Variants in PHGDH observed in about 807,000 individuals in gnomAD.
PHGDH encodes phosphoglycerate dehydrogenase.
PHGDH carries 50 observed loss-of-function variants against 52.6 expected under a neutral mutation model. The observed-to-expected ratio is 0.95, with a 90% CI of 0.76 to 1.20. PHGDH has a LOEUF of 1.20. Among genes scored for constraint, PHGDH ranks in the 50% most tolerant of loss-of-function variants. The pLI, the probability that PHGDH is intolerant of heterozygous loss-of-function variation, is 0.00. For missense variants in PHGDH, 630 were observed against 684.6 expected, an observed-to-expected ratio of 0.92 and a Z score of 0.89; for synonymous variants, 271 against 280.5, an observed-to-expected ratio of 0.97 and a Z score of 0.34.
chr1:119,721,216 A>C lies in PHGDH; in HGVS notation c.185A>C (p.Asp62Ala). 1.2e-6 allele frequency: 2 copies of C among 1,614,178 alleles called. No individual in the cohort carries two copies. Among genetic ancestry groups the C allele is most frequent in the Non-Finnish European group, 1.7e-6 (2 of 1,180,016 alleles). ...CGCTCTGCCACCAAGGTGACCGCTG[A>C]TGTCATCAACGCAGCTGAGAAACTC... The part of the protein sequence containing the change: ...IVRSATKVTA[D>A]VINAAEKLQV... Residue 62 changes from aspartate to alanine, a missense_variant, in exon 2 of 12, where the codon GAT becomes GCT. By Grantham distance (126) the Asp-to-Ala change is moderately radical. Coordinates refer to ENST00000641023, the MANE Select transcript of PHGDH (RefSeq NM_006623.4).
At position 119,727,078 on chromosome 1, in the gene PHGDH, C is replaced by A. The variant is rs1054405028; in HGVS notation, c.486C>A (p.Thr162=). The part of the protein sequence containing the change: ...GLGRIGREVA[T]RMQSFGMKTI... ...GCAGGATTGGGAGAGAGGTAGCTAC[C>A]CGGATGCAGTCCTTTGGGATGAAGG... Residue 162 remains threonine (T), a synonymous_variant, in exon 5 of 12, where the codon ACC becomes ACA. Coordinates refer to ENST00000641023, the MANE Select transcript of PHGDH (RefSeq NM_006623.4). 6.5e-5 allele frequency: 104 copies of A among 1,605,518 alleles called. No homozygotes were observed. The highest frequency in any genetic ancestry group is 8.8e-5 in the Non-Finnish European group (103 of 1,172,220).
chr1:119,736,259 C>T lies in PHGDH; in HGVS notation c.792+816C>T, dbSNP rs587615514. Among the ~76,000 whole-genome samples, 14 of 152,294 alleles carry T rather than the reference C, an allele frequency of 9.2e-5. No individual in the cohort carries two copies. The South Asian group carries it at 2.3e-3, about 25-fold the overall frequency. On this transcript the variant is annotated intron_variant, in intron 7 of 11. Transcript: ENST00000641023. ...TTTCTCAGCTCTTAGATCATAAGCTCCCTGAAGGCAGGGCAAGCCTTGTCC... is the reference window on the plus strand; with the variant it reads ...TTTCTCAGCTCTTAGATCATAAGCTTCCTGAAGGCAGGGCAAGCCTTGTCC...
chr1:119,739,768 G>C (rs1652104901), intron 8 of PHGDH: 1 of 152,722 alleles, frequency 6.5e-6, no homozygotes, highest in Non-Finnish European at 1.5e-5. Context: ...CAGGCCCCTG[G>C]GTGGGGCAGG....
intron 1 of PHGDH, chr1:119,720,948 G>T (rs925350312): frequency 3.5e-6 from 2 of 572,808 alleles, no homozygotes; most frequent in Non-Finnish European, 6.4e-6. Flanking sequence ...CGGTTGGTGT[G>T]TTAGAGGCAC....
In PHGDH at chr1:119,726,908, G is replaced by A. The variant is rs1651449002; in HGVS notation, c.411+3G>A. ...ACGGCAAATGGGAGCGGAAGAAGGT[G>A]AGCAGCGGCCTTGACTCGCCCCACC... On this transcript the variant is annotated splice_donor_region_variant and intron_variant, in intron 4 of 11. Transcript: ENST00000641023. The A allele has an allele frequency of 2.5e-6, 4 of 1,614,078 alleles. No homozygotes were observed. The highest frequency in any genetic ancestry group is 3.4e-6 in the Non-Finnish European group (4 of 1,179,870).
At chr1:119,715,752 T>C (rs1380768281) in intron 1 of PHGDH, 1 of 152,162 alleles carries the variant, frequency 6.6e-6, no homozygotes, top group Admixed American at 6.6e-5. Flanking sequence ...GTGTGGGAAG[T>C]GCCTGTTCCC....
Position 119,740,383 on chromosome 1 carries a change from CAG to C in PHGDH, c.946-2_946-1del. On this transcript the variant is annotated splice_acceptor_variant, in intron 8 of 11. Transcript: ENST00000641023. LOFTEE classifies it high-confidence loss of function. The stretch of plus-strand genomic sequence containing the variant: ...CACAGCCCCGCTCCTCCATCCTCTG[CAG>C]GTGAATGCCCAGGCCCTTACCAGTG... The C allele has an allele frequency of 6.2e-7, 1 of 1,614,130 alleles. No homozygotes were observed. The highest frequency in any genetic ancestry group is 8.5e-7 in the Non-Finnish European group (1 of 1,179,978).
At chr1:119,736,306 C>G (rs1306988845) in intron 7 of PHGDH, among the ~76,000 whole-genome samples, 2 of 152,170 alleles carry the variant, frequency 1.3e-5, no homozygotes, top group East Asian at 3.8e-4. Context: ...ACCATCCTCC[C>G]TAACACAGCA....
chr1:119,737,135 T>G lies in PHGDH; in HGVS notation c.814T>G (p.Leu272Val), dbSNP rs1193131299. The G allele has an allele frequency of 1.2e-6, 2 of 1,614,178 alleles. No individual in the cohort carries two copies. Among genetic ancestry groups the G allele is most frequent in the Non-Finnish European group, 1.7e-6 (2 of 1,180,018 alleles). The change falls in exon 8 of 12, where the codon TTG becomes GTG. Residue 272 changes from leucine to valine, a missense_variant. By Grantham distance (32) the Leu-to-Val change is conservative. Coordinates refer to ENST00000641023, the MANE Select transcript of PHGDH (RefSeq NM_006623.4). ...FTEEPPRDRA[L>V]VDHENVISCP... ...GCAGGAGCCGCCACGGGACCGGGCC[T>G]TGGTGGACCATGAGAATGTCATCAG...
rs1276900631 is a variant in PHGDH, at chr1:119,727,580, A to G, written c.510+478A>G. 14 of 193,730 alleles carry G rather than the reference A, an allele frequency of 7.2e-5. 1 individual carries two copies. The highest frequency in any genetic ancestry group is 4.8e-4 in the Admixed American group (9 of 18,780). 12.0% of individuals were successfully genotyped at this position (193,730 alleles called of 1,614,324 possible). On this transcript the variant is annotated intron_variant, in intron 5 of 11. Transcript: ENST00000641023. ...GCGCGGTGGCTCACGCCTGTAATCCAGCACTTTGGGAGGCCGAGGCAGGCA... is the reference window on the plus strand; with the variant it reads ...GCGCGGTGGCTCACGCCTGTAATCCGGCACTTTGGGAGGCCGAGGCAGGCA...
chr1:119,727,163 C>A, intron 5 of PHGDH, 61 bp downstream of exon 5: 1 of 986,210 alleles, frequency 1.0e-6, no homozygotes, highest in Non-Finnish European at 1.6e-6. Flanking sequence ...GGAAAGGCAG[C>A]ATGTCTGGGC....
chr1:119,742,641 G>T, intron 10 of PHGDH, 166 bp from the exon 11 acceptor site: 1 of 654,728 alleles, frequency 1.5e-6, no homozygotes. Flanking sequence ...TGATGCCGAA[G>T]GGCACACAGC....
At chr1:119,728,517 TG>T (rs1651549460) in intron 5 of PHGDH, among the ~76,000 whole-genome samples, 1 of 152,196 alleles carries the variant, frequency 6.6e-6, no homozygotes, top group Non-Finnish European at 1.5e-5. Context: ...ACCTAACTCC[TG>T]TCTTCCCCCA....
intron 2 of PHGDH, among the ~76,000 whole-genome samples, chr1:119,722,438 A>G (rs944667041): frequency 2.6e-5 from 4 of 152,188 alleles, no homozygotes; most frequent in Non-Finnish European, 4.4e-5. Flanking sequence ...GAAAAGAAAA[A>G]TAGTTTTGTG....
At chr1:119,712,246 G>C in intron 1 of PHGDH, 86 bp downstream of exon 1, 2 of 1,179,968 alleles carry the variant, frequency 1.7e-6, no homozygotes, top group East Asian at 2.7e-5. Flanking sequence ...CGCCCCCCTC[G>C]CATGCACCCC....
chr1:119,743,398 A>G lies in PHGDH; in HGVS notation c.1447+354A>G, dbSNP rs373710278. ...CATTGAGTGCAGGTTTCTTACTCCT[A>G]CCTGCTGGCCCTGTGGCTGTCCCTG... On this transcript the variant is annotated intron_variant, in intron 11 of 11. Coordinates refer to ENST00000641023, the MANE Select transcript of PHGDH (RefSeq NM_006623.4). Among the ~76,000 whole-genome samples the G allele has an allele frequency of 2.2e-4, 34 of 152,232 alleles. 1 individual carries two copies. Among genetic ancestry groups the G allele is most frequent in the African/African-American group, 7.7e-4 (32 of 41,540 alleles).
At chr1:119,716,289 C>T (rs587705866) in intron 1 of PHGDH, among the ~76,000 whole-genome samples, 1 of 152,168 alleles carries the variant, frequency 6.6e-6, no homozygotes, top group South Asian at 2.1e-4. Context: ...TCTTAGTTTC[C>T]CTGGCACCAA....
Position 119,742,878 on chromosome 1 carries a change from G to A in PHGDH, c.1281G>A (p.Leu427=), listed in dbSNP as rs145795752. The change falls in exon 11 of 12, where the codon CTG becomes CTA. Residue 427 remains leucine, a synonymous_variant. Transcript: ENST00000641023. The stretch of plus-strand genomic sequence containing the variant: ...GGGAATGCCTCCTGGCCGTGGCCCT[G>A]GCAGGCGCCCCTTACCAGGCTGTGG... ...GFGECLLAVA[L]AGAPYQAVGL... 2 of 1,614,042 alleles carry A rather than the reference G, an allele frequency of 1.2e-6. No individual in the cohort carries two copies. The highest frequency in any genetic ancestry group is 2.7e-5 in the African/African-American group (2 of 75,068).
At chr1:119,740,674 G>A (rs192055914) in intron 9 of PHGDH, among the ~76,000 whole-genome samples, 156 bp downstream of exon 9, 1 of 152,334 alleles carries the variant, frequency 6.6e-6, no homozygotes, top group East Asian at 1.9e-4. Context: ...CTACTGGTGG[G>A]AGGGTGGTAA....
Sources: allele counts gnomAD v4.1 joint callset (sites outside exome capture counted in the v4.1 genomes callset), GRCh38; gene constraint gnomAD v4.1.1; transcripts MANE v1.5; gene names NCBI Gene and HGNC (gene_info 2026-07-23, HGNC 2026-07-21).